The following CACNA1A variants were observed in gnomAD, a reference collection of about 807,000 sequenced individuals.
The protein encoded by CACNA1A is calcium voltage-gated channel subunit alpha1 A, also known as voltage-dependent P/Q-type calcium channel subunit alpha-1A.
CACNA1A carries 57 observed loss-of-function variants against 262.4 expected under a neutral mutation model. The ratio of observed to expected loss-of-function variants is 0.22; its 90% CI spans 0.18 to 0.27. The LOEUF is 0.27. Among genes scored for constraint, CACNA1A ranks in the 10% least tolerant of loss-of-function variants. The probability of loss-of-function intolerance (pLI) is 1.00; values close to 1 mark genes in which losing one functional copy is unlikely to be tolerated. For missense variants in CACNA1A, 2,526 were observed against 3,562.8 expected, an observed-to-expected ratio of 0.71 and a Z score of 7.41; for synonymous variants, 1,431 against 1,419.3, an observed-to-expected ratio of 1.01 and a Z score of -0.18.
chr19:13,456,044 G>A (rs1398602560), intron 1 of CACNA1A, among the ~76,000 whole-genome samples: 6 of 151,896 alleles, frequency 4.0e-5, no homozygotes, highest in Admixed American at 3.9e-4. Flanking sequence ...CAGCTACTTG[G>A]GAGGCCGGGG....
At chr19:13,288,331 G>A (rs137998201) in intron 19 of CACNA1A, among the ~76,000 whole-genome samples, 127 of 151,100 alleles carry the variant, frequency 8.4e-4, no homozygotes, top group African/African-American at 2.9e-3. Context: ...CCTCTGCCTC[G>A]TGGATTCAAG....
At chr19:13,291,503 AG>A (rs1408527966) in intron 19 of CACNA1A, among the ~76,000 whole-genome samples, 1 of 151,974 alleles carries the variant, frequency 6.6e-6, no homozygotes, top group Non-Finnish European at 1.5e-5. Flanking sequence ...TGGTGTTCAA[AG>A]CTTTAATGGG....
At chr19:13,345,554 T>C (rs10424440) in intron 6 of CACNA1A, among the ~76,000 whole-genome samples, 116,838 of 151,664 alleles carry the variant, frequency 0.77, 45,309 homozygotes, top group East Asian at 1. Flanking sequence ...TTCTGTTTTA[T>C]GGTTTATTTT....
Position 13,209,499 on chromosome 19 carries a change from C to G in CACNA1A, c.6340-1G>C. 7.7e-7 allele frequency: 1 copy of G among 1,304,828 alleles called. No individual in the cohort carries two copies. 80.8% of individuals were successfully genotyped at this position (1,304,828 alleles called of 1,614,324 possible). Reference sequence around the variant, plus strand: ...TCATGGGGCTGGTGTCTGAGATGGTCTGGGGGAGGGGACAGGCCGGTGGGC... The same window carrying G: ...TCATGGGGCTGGTGTCTGAGATGGTGTGGGGGAGGGGACAGGCCGGTGGGC... On this transcript the variant is annotated splice_acceptor_variant, in intron 44 of 46. Transcript: ENST00000360228. LOFTEE classifies it high-confidence loss of function.
At chr19:13,338,034 A>G (rs932256219) in intron 6 of CACNA1A, among the ~76,000 whole-genome samples, 2 of 152,152 alleles carry the variant, frequency 1.3e-5, no homozygotes, top group Admixed American at 1.3e-4. Flanking sequence ...CCTGGCTAAC[A>G]TGGTGAAACC....
intron 3 of CACNA1A, among the ~76,000 whole-genome samples, chr19:13,391,167 G>T (rs1027108204): frequency 1.3e-5 from 2 of 152,218 alleles, no homozygotes; most frequent in Non-Finnish European, 2.9e-5. Context: ...TTACAGGCGT[G>T]AGCCACCGCA....
intron 6 of CACNA1A, among the ~76,000 whole-genome samples, chr19:13,337,513 T>C (rs534329760): frequency 3.9e-5 from 6 of 152,286 alleles, no homozygotes; most frequent in Admixed American, 3.3e-4. Flanking sequence ...CTGCTATGGT[T>C]GGTGCAAAAA....
chr19:13,400,900 C>G (rs2059889446), intron 3 of CACNA1A, among the ~76,000 whole-genome samples: 1 of 152,204 alleles, frequency 6.6e-6, no homozygotes, highest in South Asian at 2.1e-4. Context: ...TCTTTGCTCA[C>G]TGCAACCTCC....
intron 45 of CACNA1A, 98 bp downstream of exon 45, chr19:13,209,214 C>G (rs1271415378): frequency 8.6e-5 from 118 of 1,378,638 alleles, no homozygotes; most frequent in Middle Eastern, 2.4e-4. Context: ...ATGGAGGCCT[C>G]TCCCTTTCTT....
chr19:13,230,254 AG>A (rs768352217), intron 35 of CACNA1A, 45 bp from the exon 36 acceptor site: 4 of 1,609,366 alleles, frequency 2.5e-6, no homozygotes, highest in Non-Finnish European at 3.4e-6. Flanking sequence ...GCAGAGACCG[AG>A]GGAATGAATG....
chr19:13,483,748 G>A (rs1007012435), intron 1 of CACNA1A, among the ~76,000 whole-genome samples: 2 of 152,150 alleles, frequency 1.3e-5, no homozygotes, highest in Admixed American at 6.5e-5. Context: ...AAACAAGCCT[G>A]AAGCTGGACA....
rs969032815 is a variant in CACNA1A, at chr19:13,207,426, G to A, written c.7408C>T (p.Arg2470Trp). ...PACASPSRHG[R>W]RLPNGYYPAH... ...GGGTAGTAGCCGTTGGGGAGTCGCCGGCCGTGCCGAGAAGGCGAGGCGCAG... is the reference window on the plus strand; with the variant it reads ...GGGTAGTAGCCGTTGGGGAGTCGCCAGCCGTGCCGAGAAGGCGAGGCGCAG... Residue 2470 changes from arginine (R) to tryptophan (W), a missense_variant, in exon 47 of 47, where the codon CGG becomes TGG. Arg to Trp is a moderately radical substitution (Grantham distance 101, BLOSUM62 -3). Transcript: ENST00000360228. This position sits in a 1 kb window ranked among gnomAD's most constrained non-coding sequence, Gnocchi z 5.7. 2 of 1,524,374 alleles carry A rather than the reference G, an allele frequency of 1.3e-6. No individual in the cohort carries two copies. Among genetic ancestry groups the A allele is most frequent in the Non-Finnish European group, 1.8e-6 (2 of 1,140,358 alleles). The allele number at this position is 1,524,374 out of a possible 1,614,324, so 94.4% of individuals were successfully genotyped here.
chr19:13,362,709 G>A (rs905395119), intron 5 of CACNA1A: 1 of 152,150 alleles, frequency 6.6e-6, no homozygotes, highest in African/African-American at 2.4e-5. Context: ...TCACACATTA[G>A]CCTTCACTGT....
intron 1 of CACNA1A, among the ~76,000 whole-genome samples, chr19:13,502,477 T>C (rs1414372795): frequency 1.3e-5 from 2 of 152,182 alleles, no homozygotes; most frequent in East Asian, 3.9e-4. Context: ...GGGAGGGAAC[T>C]CTAGGAAGGC....
chr19:13,234,835 G>C, intron 34 of CACNA1A, 86 bp downstream of exon 34: 1 of 907,530 alleles, frequency 1.1e-6, no homozygotes, highest in Non-Finnish European at 1.8e-6. Flanking sequence ...TGGAAGAGGA[G>C]GGTACATCCT....
Position 13,207,212 on chromosome 19 carries a change from G to A in CACNA1A, c.*101C>T. On this transcript the variant is annotated 3_prime_UTR_variant, in exon 47 of 47. Transcript: ENST00000360228. The surrounding 1 kb of genome is among the most constrained non-coding windows in gnomAD (Gnocchi z 5.7). Reference sequence around the variant, plus strand: ...GGGGTCTCCCGGCTGGCCCTCTCCCGGGCCCTCTGTGCTGGGCCCCCGCGG... The same window carrying A: ...GGGGTCTCCCGGCTGGCCCTCTCCCAGGCCCTCTGTGCTGGGCCCCCGCGG... The A allele has an allele frequency of 4.7e-6, 6 of 1,277,036 alleles. No individual in the cohort carries two copies. Among genetic ancestry groups the A allele is most frequent in the Non-Finnish European group, 5.1e-6 (5 of 979,650 alleles). The allele number at this position is 1,277,036 out of a possible 1,614,324, so 79.1% of individuals were successfully genotyped here. A position where few individuals can be genotyped will look rare whatever the true frequency, so the allele number is the denominator to read the frequency against.
intron 32 of CACNA1A, 39 bp downstream of exon 32, chr19:13,235,575 C>G: frequency 7.1e-7 from 1 of 1,405,320 alleles, no homozygotes; most frequent in Non-Finnish European, 1.0e-6. Context: ...GGTCACCTGT[C>G]TTCTCAGCCC....
chr19:13,309,391 C>G (rs2057970942), intron 12 of CACNA1A, among the ~76,000 whole-genome samples: 1 of 152,012 alleles, frequency 6.6e-6, no homozygotes, highest in South Asian at 2.1e-4. Flanking sequence ...CAACTACTAC[C>G]TATGTCAACA....
intron 29 of CACNA1A, 137 bp downstream of exon 29, chr19:13,254,958 A>G (rs1600179931): frequency 1.2e-6 from 1 of 843,856 alleles, no homozygotes; most frequent in Non-Finnish European, 1.9e-6. Context: ...AGGTAGAGGG[A>G]ACAGCAGGAA....
Sources: gnomAD v4.1 joint callset for allele counts (sites outside exome capture counted in the v4.1 genomes callset) on GRCh38, gnomAD v4.1.1 for gene constraint, Gnocchi (gnomAD v3.1) non-coding constraint, MANE v1.5 for transcripts, NCBI Gene and HGNC (gene_info 2026-07-23, HGNC 2026-07-21) for gene names.